The following SGK3 variants were observed in gnomAD, a reference collection of about 807,000 sequenced individuals.
The protein encoded by SGK3 is serum/glucocorticoid regulated kinase family member 3, also known as serine/threonine-protein kinase Sgk3.
A neutral mutation model predicts 68.5 loss-of-function variants in SGK3; 47 were observed. The ratio of observed to expected loss-of-function variants is 0.69; its 90% confidence interval spans 0.54 to 0.87. The LOEUF (loss-of-function observed/expected upper bound fraction) is 0.87, where lower values mean the gene tolerates loss of function less well. Ranked by LOEUF, SGK3 falls within the 40% of genes least tolerant of loss-of-function variation. The probability of loss-of-function intolerance (pLI) is 0.00; values close to 1 mark genes in which losing one functional copy is unlikely to be tolerated. For missense variants in SGK3, 479 were observed against 575.5 expected (o/e 0.83, Z 1.72); for synonymous variants, 181 against 189.1 (o/e 0.96, Z 0.35).
chr8:66,773,164 G>A (rs777011356), intron 1 of SGK3, among the ~76,000 whole-genome samples: 1 of 152,204 alleles, frequency 6.6e-6, no homozygotes, highest in Non-Finnish European at 1.5e-5. Flanking sequence ...TGAGGAGACA[G>A]TCTGTCCAAC....
chr8:66,834,320 A>C (rs1322492736), intron 8 of SGK3, among the ~76,000 whole-genome samples: 1 of 152,182 alleles, frequency 6.6e-6, no homozygotes, highest in African/African-American at 2.4e-5. Flanking sequence ...TATCCATGTG[A>C]TTCTAATTAC....
intron 1 of SGK3, among the ~76,000 whole-genome samples, chr8:66,738,437 C>G (rs1480258714): frequency 6.6e-6 from 1 of 152,218 alleles, no homozygotes; most frequent in East Asian, 1.9e-4. Context: ...CCTGCAAGAT[C>G]AAGTCCAAGG....
At chr8:66,736,971 C>T (rs1163546102) in intron 1 of SGK3, among the ~76,000 whole-genome samples, 2 of 151,666 alleles carry the variant, frequency 1.3e-5, no homozygotes, top group Non-Finnish European at 2.9e-5. Context: ...AGAGAAGAGG[C>T]CTTGCTATGT....
intron 3 of SGK3, among the ~76,000 whole-genome samples, chr8:66,801,043 T>G (rs1243615644): frequency 2.0e-5 from 3 of 152,238 alleles, no homozygotes; most frequent in African/African-American, 7.2e-5. Flanking sequence ...TGTTTTCTTC[T>G]GTTCTTTAGC....
intron 1 of SGK3, among the ~76,000 whole-genome samples, chr8:66,729,146 G>A (rs1048214654): frequency 2.0e-5 from 3 of 150,830 alleles, no homozygotes. Context: ...ATGAACCCAG[G>A]AGGCGGAGCT....
At chr8:66,767,789 T>C in intron 1 of SGK3, 3 of 1,573,290 alleles carry the variant, frequency 1.9e-6, no homozygotes, top group Non-Finnish European at 2.6e-6. Context: ...TTTACTGACT[T>C]TTCTGTAGCT....
At chr8:66,822,001 C>A (rs1808853020) in intron 5 of SGK3, among the ~76,000 whole-genome samples, 1 of 123,350 alleles carries the variant, frequency 8.1e-6, no homozygotes, top group Non-Finnish European at 1.7e-5. Context: ...TTTTTTTTTA[C>A]CAACTTTTGG....
At chr8:66,852,474 G>T (rs544271843) in intron 16 of SGK3, among the ~76,000 whole-genome samples, 1 of 151,990 alleles carries the variant, frequency 6.6e-6, no homozygotes, top group Non-Finnish European at 1.5e-5. Context: ...TAGAGATGGG[G>T]TTTCACCATG....
chr8:66,781,910 G>A (rs1331812301), intron 1 of SGK3, among the ~76,000 whole-genome samples: 1 of 152,132 alleles, frequency 6.6e-6, no homozygotes, highest in Non-Finnish European at 1.5e-5. Flanking sequence ...AGGAAAACAG[G>A]AAAAAGTTGT....
chr8:66,723,668 C>T (rs1050304477), intron 1 of SGK3, among the ~76,000 whole-genome samples: 3 of 152,124 alleles, frequency 2.0e-5, no homozygotes, highest in African/African-American at 7.2e-5. Flanking sequence ...TGCTCTCAAA[C>T]TCCTGGGCTC....
At chr8:66,798,521 T>C (rs1348421023) in intron 2 of SGK3, 21 bp from the exon 3 acceptor site, 1 of 1,591,638 alleles carries the variant, frequency 6.3e-7, no homozygotes, top group Admixed American at 1.8e-5. Context: ...TGTTATATTA[T>C]GTAATTTTTT....
At chr8:66,739,610 G>A (rs1290946752) in intron 1 of SGK3, among the ~76,000 whole-genome samples, 1 of 152,048 alleles carries the variant, frequency 6.6e-6, no homozygotes, top group Non-Finnish European at 1.5e-5. Context: ...TGGCCAGGCT[G>A]GTCTTAAACT....
At chr8:66,810,260 C>T (rs1181507025) in intron 4 of SGK3, among the ~76,000 whole-genome samples, 2 of 146,280 alleles carry the variant, frequency 1.4e-5, no homozygotes, top group African/African-American at 5.1e-5. Flanking sequence ...CTGAGAATTG[C>T]TTTAAAATAT....
At chr8:66,839,496 GAGATATATATATATAT>G (rs1563654408) in intron 10 of SGK3, among the ~76,000 whole-genome samples, 3 of 43,228 alleles carry the variant, frequency 6.9e-5, no homozygotes, top group South Asian at 8.1e-4. Flanking sequence ...TATATGTATG[GAGATATATATATATAT>G]ATATATATAT....
chr8:66,847,188 TC>T lies in SGK3; in HGVS notation c.1075-3del, dbSNP rs756406977. Reference sequence around the variant, plus strand: ...TAAGTTTATTTTGCTTTTTTTTTTTTCCAGCCTCCTTTTTATTGCCGAGATG... The same window carrying T: ...TAAGTTTATTTTGCTTTTTTTTTTTTCAGCCTCCTTTTTATTGCCGAGATG... On this transcript the variant is annotated splice_polypyrimidine_tract_variant and splice_region_variant and intron_variant, in intron 14 of 16. Coordinates refer to ENST00000521198, the MANE Select transcript of SGK3 (RefSeq NM_001033578.3). 14 of 1,584,732 alleles carry T rather than the reference TC, an allele frequency of 8.8e-6. No homozygotes were observed. In the South Asian group the frequency reaches 1.4e-4, roughly 16 times the overall value.
intron 5 of SGK3, among the ~76,000 whole-genome samples, chr8:66,814,408 T>C (rs1808498755): frequency 6.6e-6 from 1 of 152,194 alleles, no homozygotes; most frequent in Admixed American, 6.5e-5. Flanking sequence ...TGTAGGCATA[T>C]CTTCTTGAGG....
At position 66,793,683 on chromosome 8, in the gene SGK3, C is replaced by G. The variant is rs1807556403; in HGVS notation, c.-54C>G. 1.0e-5 allele frequency: 16 copies of G among 1,558,482 alleles called. No homozygotes were observed. Among genetic ancestry groups the G allele is most frequent in the Non-Finnish European group, 1.3e-5 (15 of 1,143,566 alleles). ...TTTTGGATTAGTTAATTGGGTTTGTCCTCTGCTGACTGTTTCTTCGGATGC... is the reference window on the plus strand; with the variant it reads ...TTTTGGATTAGTTAATTGGGTTTGTGCTCTGCTGACTGTTTCTTCGGATGC... On this transcript the variant is annotated 5_prime_UTR_variant, in exon 2 of 17. Coordinates refer to ENST00000521198, the MANE Select transcript of SGK3 (RefSeq NM_001033578.3).
chr8:66,759,588 C>CA (rs1220802367), intron 1 of SGK3, among the ~76,000 whole-genome samples: 1 of 152,090 alleles, frequency 6.6e-6, no homozygotes, highest in African/African-American at 2.4e-5. Flanking sequence ...TGCACCACCA[C>CA]ACCTAGCTAA....
At chr8:66,755,437 C>T (rs1434018450) in intron 1 of SGK3, among the ~76,000 whole-genome samples, 1 of 152,164 alleles carries the variant, frequency 6.6e-6, no homozygotes, top group Non-Finnish European at 1.5e-5. Context: ...CGCATGATGT[C>T]AGGTGTGGAA....
Sources: allele counts gnomAD v4.1 joint callset (sites outside exome capture counted in the v4.1 genomes callset), GRCh38; gene constraint gnomAD v4.1.1; transcripts MANE v1.5; gene names NCBI Gene and HGNC (gene_info 2026-07-23, HGNC 2026-07-21).